POLR1A: variants seen among roughly 807,000 people sequenced by gnomAD.
The protein encoded by POLR1A is RNA polymerase I subunit A, also known as DNA-directed RNA polymerase I subunit RPA1.
In POLR1A, 84 loss-of-function variants were observed where a neutral mutation model predicts 205.3. The ratio of observed to expected loss-of-function variants is 0.41; its 90% confidence interval spans 0.34 to 0.49. The LOEUF (loss-of-function observed/expected upper bound fraction) is 0.49, where lower values mean the gene tolerates loss of function less well. Among genes scored for constraint, POLR1A ranks in the 20% least tolerant of loss-of-function variants. The probability of loss-of-function intolerance (pLI) is 0.22; values close to 1 mark genes in which losing one functional copy is unlikely to be tolerated. For synonymous variants in POLR1A, 799 were observed against 863.7 expected (o/e 0.93, Z 1.31); for missense variants, 1,645 against 2,204.5 (o/e 0.75, Z 5.08).
intron 3 of POLR1A, among the ~76,000 whole-genome samples, chr2:86,090,734 C>T (rs2104429798): frequency 6.6e-6 from 1 of 152,284 alleles, no homozygotes; most frequent in South Asian, 2.1e-4. Context: ...TCCAATGCAG[C>T]AATTTTGAAC....
At chr2:86,054,091 C>G (rs760024364) in intron 15 of POLR1A, 49 bp downstream of exon 15, 2 of 1,593,928 alleles carry the variant, frequency 1.3e-6, no homozygotes, top group African/African-American at 1.3e-5. Flanking sequence ...ACCAATCTGT[C>G]TAACCCCGGC....
intron 12 of POLR1A, among the ~76,000 whole-genome samples, chr2:86,073,848 CAT>C (rs1673225825): frequency 6.6e-6 from 1 of 152,206 alleles, no homozygotes; most frequent in Admixed American, 6.5e-5. Context: ...GTCTGTTTCA[CAT>C]GTTTGACCTG....
At chr2:86,079,955 G>C (rs959722122) in intron 9 of POLR1A, among the ~76,000 whole-genome samples, 6 of 152,136 alleles carry the variant, frequency 3.9e-5, no homozygotes, top group African/African-American at 1.2e-4. Context: ...CATGCACATG[G>C]CTGATGTCTT....
At chr2:86,073,896 C>CT (rs1673226932) in intron 12 of POLR1A, among the ~76,000 whole-genome samples, 2 of 152,214 alleles carry the variant, frequency 1.3e-5, no homozygotes, top group Admixed American at 6.5e-5. Flanking sequence ...CACCTTGCTT[C>CT]TTTTTGCATT....
At chr2:86,036,881 GA>G (rs1672509088) in intron 27 of POLR1A, 1 of 152,250 alleles carries the variant, frequency 6.6e-6, no homozygotes, top group Non-Finnish European at 1.5e-5. Flanking sequence ...TCATCAGGAA[GA>G]AGTCTTAAAA....
chr2:86,083,014 G>T, intron 7 of POLR1A, 68 bp downstream of exon 7: 1 of 1,145,162 alleles, frequency 8.7e-7, no homozygotes, highest in Non-Finnish European at 1.3e-6. Context: ...TAATAAGGCA[G>T]GGTTAATGAG....
chr2:86,084,551 C>T (rs1335912544), intron 6 of POLR1A, among the ~76,000 whole-genome samples: 1 of 152,182 alleles, frequency 6.6e-6, no homozygotes, highest in Non-Finnish European at 1.5e-5. Flanking sequence ...TGTCTGTGTT[C>T]CTAACACTTG....
At chr2:86,041,703 C>T (rs370675023) in intron 24 of POLR1A, among the ~76,000 whole-genome samples, 186 bp downstream of exon 24, 71 of 152,310 alleles carry the variant, frequency 4.7e-4, no homozygotes, top group Middle Eastern at 3.4e-3. Context: ...GCCTCCCTTG[C>T]ACTTGTTCAC....
intron 13 of POLR1A, among the ~76,000 whole-genome samples, chr2:86,066,803 T>A (rs1260021041): frequency 1.3e-5 from 2 of 152,194 alleles, no homozygotes; most frequent in Non-Finnish European, 2.9e-5. Context: ...GCTGGAAAGG[T>A]GGCACAGACC....
In POLR1A at chr2:86,022,008, T is replaced by C. The variant is rs938890267; in HGVS notation, c.*5415A>G. 6.6e-6 allele frequency: 1 copy of C among 152,250 alleles called. No individual in the cohort carries two copies. The highest frequency in any genetic ancestry group is 1.5e-5 in the Non-Finnish European group (1 of 68,044). The allele number at this position is 152,250 out of a possible 1,614,324, so 9.4% of individuals were successfully genotyped here. ...CAGAGTTGAGTTAAACCCTGCTCCT[T>C]GATGACCACTCGTGGTAGGACAGCG... On this transcript the variant is annotated 3_prime_UTR_variant, in exon 34 of 34. Transcript: ENST00000263857.
At chr2:86,046,296 C>A (rs577538860) in intron 19 of POLR1A, among the ~76,000 whole-genome samples, 3 of 145,130 alleles carry the variant, frequency 2.1e-5, no homozygotes, top group Non-Finnish European at 2.9e-5. Context: ...AAACAAAACA[C>A]AACAACAACA....
chr2:86,030,113 C>A, intron 31 of POLR1A, 83 bp downstream of exon 31: 1 of 1,137,168 alleles, frequency 8.8e-7, no homozygotes, highest in South Asian at 1.3e-5. Context: ...TCGCGTAGAG[C>A]GAGCCTCCCA....
In POLR1A at chr2:86,038,496, A is replaced by G. The variant is rs1383817915; in HGVS notation, c.4034+204T>C. Among the ~76,000 whole-genome samples, 3 of 152,202 alleles carry G rather than the reference A, an allele frequency of 2.0e-5. No individual in the cohort carries two copies. The East Asian group carries it at 5.8e-4, about 29-fold the overall frequency. ...TGGGCTCAGGGAGTGACGTGTGGCT[A>G]AGAAAGTCATACCCACAAGCCAGAC... On this transcript the variant is annotated intron_variant, in intron 27 of 33. Transcript: ENST00000263857.
At chr2:86,080,785 C>T in intron 9 of POLR1A, 31 bp downstream of exon 9, 1 of 1,578,204 alleles carries the variant, frequency 6.3e-7, no homozygotes, top group South Asian at 1.2e-5. Flanking sequence ...AGCATGTGTG[C>T]TCATCACATC....
chr2:86,061,362 A>G (rs529197841), intron 14 of POLR1A, among the ~76,000 whole-genome samples: 10 of 152,306 alleles, frequency 6.6e-5, no homozygotes, highest in African/African-American at 2.4e-4. Context: ...CAAGAGAATG[A>G]CTTGAACCTG....
chr2:86,093,357 G>C (rs79603974), intron 3 of POLR1A, among the ~76,000 whole-genome samples: 4,306 of 152,248 alleles, frequency 0.028, 100 homozygotes, highest in East Asian at 0.099. Flanking sequence ...CCATTTGACA[G>C]TACACTGCTG....
chr2:86,053,820 G>A (rs1243216018), intron 15 of POLR1A, among the ~76,000 whole-genome samples: 1 of 152,178 alleles, frequency 6.6e-6, no homozygotes, highest in Non-Finnish European at 1.5e-5. Flanking sequence ...CCTTATACCA[G>A]TTTGATTATC....
chr2:86,023,952 G>A lies in POLR1A; in HGVS notation c.*3471C>T, dbSNP rs1305239893. 6.6e-6 allele frequency: 1 copy of A among 152,404 alleles called. No individual in the cohort carries two copies. The highest frequency in any genetic ancestry group is 1.5e-5 in the Non-Finnish European group (1 of 68,210). 9.4% of individuals were successfully genotyped at this position (152,404 alleles called of 1,614,324 possible). ...TTTAGTAGAGATGGGGTTTTGCCATGTTGGCCAGGGTGGTCTCGAATCCTG... is the reference window on the plus strand; with the variant it reads ...TTTAGTAGAGATGGGGTTTTGCCATATTGGCCAGGGTGGTCTCGAATCCTG... On this transcript the variant is annotated 3_prime_UTR_variant, in exon 34 of 34. Coordinates refer to ENST00000263857, the MANE Select transcript of POLR1A (RefSeq NM_015425.6).
At chr2:86,098,202 A>T (rs1287665921) in intron 3 of POLR1A, among the ~76,000 whole-genome samples, 2 of 152,226 alleles carry the variant, frequency 1.3e-5, no homozygotes, top group African/African-American at 4.8e-5. Flanking sequence ...ACAATCTAAA[A>T]TGTAAGAAAT....
Sources: allele counts gnomAD v4.1 joint callset (sites outside exome capture counted in the v4.1 genomes callset), GRCh38; gene constraint gnomAD v4.1.1; transcripts MANE v1.5; gene names NCBI Gene and HGNC (gene_info 2026-07-23, HGNC 2026-07-21).